The following TTLL7 variants were observed in gnomAD, a reference collection of about 807,000 sequenced individuals.
The protein encoded by TTLL7 is tubulin polyglutamylase TTLL7.
TTLL7 carries 53 observed loss-of-function variants against 120.2 expected under a neutral mutation model. The observed-to-expected ratio is 0.44, with a 90% CI of 0.35 to 0.55. The LOEUF is 0.55. Among genes scored for constraint, TTLL7 ranks in the 20% least tolerant of loss-of-function variants. TTLL7 has a pLI of 0.00. For missense variants in TTLL7, 803 were observed against 1,054.7 expected (o/e 0.76, Z 3.31); for synonymous variants, 353 against 351.7 (o/e 1.00, Z -0.04).
At chr1:83,951,730 A>C in intron 3 of TTLL7, 115 bp downstream of exon 3, 2 of 1,198,270 alleles carry the variant, frequency 1.7e-6, no homozygotes, top group Non-Finnish European at 2.3e-6. Context: ...AAGGCATTTA[A>C]AAATCCATTA....
intron 8 of TTLL7, among the ~76,000 whole-genome samples, chr1:83,935,699 C>T (rs1031777598): frequency 2.6e-5 from 4 of 151,792 alleles, no homozygotes; most frequent in Middle Eastern, 3.4e-3. Flanking sequence ...AGAAATTGCC[C>T]GGGTTATTAA....
chr1:83,992,744 C>CA (rs1653113922), intron 1 of TTLL7, among the ~76,000 whole-genome samples: 2 of 150,472 alleles, frequency 1.3e-5, no homozygotes, highest in Non-Finnish European at 3.0e-5. Flanking sequence ...AAAATGCCCC[C>CA]ATCTGGTTTC....
Position 83,907,600 on chromosome 1 carries a change from C to A in TTLL7, c.1848G>T (p.Gly616=), listed in dbSNP as rs368441891. 56 of 1,613,112 alleles carry A rather than the reference C, an allele frequency of 3.5e-5. No homozygotes were observed. The highest frequency in any genetic ancestry group is 3.4e-5 in the Non-Finnish European group (40 of 1,179,510). The change falls in exon 16 of 21, where the codon GGG becomes GGT. Residue 616 remains glycine (G), a synonymous_variant. Transcript: ENST00000260505. ...GTTGAGCAGAAAATGGGCGGGTGTC[C>A]CCACTGGAAGGTGATTGAGCAGAGA... ...RSISAQSPSS[G]DTRPFSAQQM... is the part of the protein sequence containing the mutation.
Position 83,977,827 on chromosome 1 carries a change from G to A in TTLL7, c.-177+21104C>T, listed in dbSNP as rs1169211175. 3.9e-5 allele frequency among the ~76,000 whole-genome samples: 6 copies of A among 152,262 alleles called. No individual in the cohort carries two copies. In the South Asian group the frequency reaches 1.2e-3, roughly 32 times the overall value. On this transcript the variant is annotated intron_variant, in intron 1 of 20. Transcript: ENST00000260505. ...GCAATAATTTGGAAAGTCATATTGT[G>A]ACTGCAAGATCCGACAATGTAGGTA...
At chr1:83,984,960 G>A (rs1356554110) in intron 1 of TTLL7, among the ~76,000 whole-genome samples, 1 of 152,274 alleles carries the variant, frequency 6.6e-6, no homozygotes, top group East Asian at 1.9e-4. Flanking sequence ...CTAAAAGAAT[G>A]TATAAAATTG....
intron 5 of TTLL7, 120 bp from the exon 6 acceptor site, chr1:83,947,402 T>G: frequency 3.5e-6 from 3 of 851,570 alleles, no homozygotes; most frequent in Non-Finnish European, 5.3e-6. Context: ...CATTTACTTA[T>G]TCATTGATTT....
chr1:83,905,664 G>A (rs1657144140), intron 17 of TTLL7, among the ~76,000 whole-genome samples: 2 of 151,682 alleles, frequency 1.3e-5, no homozygotes. Flanking sequence ...GGAACGAAAA[G>A]GATGTTTGAA....
intron 14 of TTLL7, chr1:83,912,845 T>C (rs1304423103): frequency 6.6e-6 from 1 of 152,128 alleles, no homozygotes. Context: ...ATAAAAACAT[T>C]TACCAGTAAC....
At chr1:83,966,156 G>A (rs1043354819) in intron 1 of TTLL7, among the ~76,000 whole-genome samples, 1 of 152,112 alleles carries the variant, frequency 6.6e-6, no homozygotes, top group Non-Finnish European at 1.5e-5. Context: ...AATAATGTGG[G>A]TACGCCTCAT....
At chr1:83,889,482 T>C (rs1245651140) in intron 19 of TTLL7, among the ~76,000 whole-genome samples, 1 of 152,096 alleles carries the variant, frequency 6.6e-6, no homozygotes, top group Non-Finnish European at 1.5e-5. Context: ...CAAGGCTAAA[T>C]GAGTTCAAAT....
chr1:83,953,806 C>A lies in TTLL7; in HGVS notation c.-176-1419G>T, dbSNP rs147988782. 1.9e-3 allele frequency among the ~76,000 whole-genome samples: 293 copies of A among 152,252 alleles called. 2 individuals carry two copies. The highest frequency in any genetic ancestry group is 6.6e-3 in the African/African-American group (276 of 41,540). The stretch of plus-strand genomic sequence containing the variant: ...TTCATTAAGCTCCCCTATTTTCAGA[C>A]CCCATGCTAACATAATATATAGACA... On this transcript the variant is annotated intron_variant, in intron 1 of 20. Coordinates refer to ENST00000260505, the MANE Select transcript of TTLL7 (RefSeq NM_024686.6).
chr1:83,877,404 G>A (rs1345427987), intron 20 of TTLL7, among the ~76,000 whole-genome samples: 1 of 152,030 alleles, frequency 6.6e-6, no homozygotes, highest in Non-Finnish European at 1.5e-5. Flanking sequence ...AAGTTGAAGA[G>A]TGTTCGCTCC....
chr1:83,966,559 G>A (rs957466922), intron 1 of TTLL7, among the ~76,000 whole-genome samples: 7 of 151,852 alleles, frequency 4.6e-5, no homozygotes, highest in African/African-American at 1.7e-4. Context: ...ATATAACCAC[G>A]GCCTAAACTA....
intron 8 of TTLL7, among the ~76,000 whole-genome samples, chr1:83,934,554 T>G (rs1647229802): frequency 6.6e-6 from 1 of 152,206 alleles, no homozygotes; most frequent in Non-Finnish European, 1.5e-5. Flanking sequence ...CTCAATATTT[T>G]CTGAGAGAAA....
At position 83,870,683 on chromosome 1, in the gene TTLL7, G is replaced by A. The variant is rs535199474; in HGVS notation, c.2544-601C>T. Among the ~76,000 whole-genome samples the A allele has an allele frequency of 3.9e-5, 6 of 152,118 alleles. No homozygotes were observed. The South Asian group carries it at 1.0e-3, about 26-fold the overall frequency. On this transcript the variant is annotated intron_variant, in intron 20 of 20. Transcript: ENST00000260505. The stretch of plus-strand genomic sequence containing the variant: ...CCCAGCACTTTGGGAGGCTGAGGCA[G>A]GCGGGTCATCTGAGGTTGGGAGTTC...
chr1:83,992,089 T>G (rs372217703), intron 1 of TTLL7, among the ~76,000 whole-genome samples: 1 of 152,204 alleles, frequency 6.6e-6, no homozygotes, highest in East Asian at 1.9e-4. Flanking sequence ...CCTCTTATTC[T>G]GAAATGTCAA....
At chr1:83,894,460 C>T (rs1024073737) in intron 18 of TTLL7, among the ~76,000 whole-genome samples, 1 of 152,094 alleles carries the variant, frequency 6.6e-6, no homozygotes, top group Non-Finnish European at 1.5e-5. Context: ...GGGCAACTAA[C>T]ATGTATCATC....
intron 10 of TTLL7, among the ~76,000 whole-genome samples, chr1:83,928,407 CACTATTTCAGGA>C (rs1259827558): frequency 6.6e-6 from 1 of 152,086 alleles, no homozygotes; most frequent in Non-Finnish European, 1.5e-5. Context: ...ACAGGTAACT[CACTATTTCAGGA>C]AGTGTTTCAG....
At chr1:83,897,704 G>C (rs1224804495) in intron 18 of TTLL7, among the ~76,000 whole-genome samples, 3 of 151,788 alleles carry the variant, frequency 2.0e-5, no homozygotes, top group South Asian at 4.2e-4. Context: ...CTCCCCATCA[G>C]CCTGACCACA....
Sources: allele counts gnomAD v4.1 joint callset (sites outside exome capture counted in the v4.1 genomes callset), GRCh38; gene constraint gnomAD v4.1.1; transcripts MANE v1.5; gene names NCBI Gene and HGNC (gene_info 2026-07-23, HGNC 2026-07-21).